TAT: variants seen among roughly 807,000 people sequenced by gnomAD.
TAT encodes the protein L-tyrosine:2-oxoglutarate aminotransferase.
TAT carries 35 observed loss-of-function variants against 53.6 expected under a neutral mutation model. That is an observed-to-expected ratio of 0.65 (90% confidence interval 0.50 to 0.87). TAT has a LOEUF of 0.87. Ranked by LOEUF, TAT falls within the 40% of genes least tolerant of loss-of-function variation. The pLI is 0.00. For synonymous variants in TAT, 197 were observed against 206.5 expected, an observed-to-expected ratio of 0.95 and a Z score of 0.39; for missense variants, 525 against 571.8, an observed-to-expected ratio of 0.92 and a Z score of 0.83.
chr16:71,569,934 T>C lies in TAT; in HGVS notation c.1045A>G (p.Asn349Asp), dbSNP rs1449389073. 6.2e-7 allele frequency: 1 copy of C among 1,613,336 alleles called. No individual in the cohort carries two copies. The highest frequency in any genetic ancestry group is 8.5e-7 in the Non-Finnish European group (1 of 1,179,736). The part of the protein sequence containing the change: ...YHNTLSFLKS[N>D]ADLCYGALAA... ...AACGCCCCATAACAGAGATCAGCAT[T>C]GGACTACAAGAAGAGGCAAGGAGAA... Residue 349 changes from asparagine (N) to aspartate (D), a missense_variant, in exon 10 of 12, where the codon AAT becomes GAT. Coordinates refer to ENST00000355962, the MANE Select transcript of TAT (RefSeq NM_000353.3).
chr16:71,571,759 G>T, intron 6 of TAT, 101 bp from the exon 7 acceptor site: 1 of 1,166,608 alleles, frequency 8.6e-7, no homozygotes, highest in Non-Finnish European at 1.3e-6. Flanking sequence ...ATATTAAGAA[G>T]TTACAATTCT....
In TAT at chr16:71,572,317, T is replaced by A; in HGVS notation, c.575A>T (p.Lys192Ile). 1 of 1,614,212 alleles carries A rather than the reference T, an allele frequency of 6.2e-7. No individual in the cohort carries two copies. The highest frequency in any genetic ancestry group is 8.5e-7 in the Non-Finnish European group (1 of 1,180,044). ...EVKLYNLLPE[K>I]SWEIDLKQLE... is the part of the protein sequence containing the mutation. ...TTGTTTCAGGTCAATTTCCCAAGATTTCTCTGGCTGGAGAGAAAGAAAGGA... is the reference window on the plus strand; with the variant it reads ...TTGTTTCAGGTCAATTTCCCAAGATATCTCTGGCTGGAGAGAAAGAAAGGA... Residue 192 changes from lysine to isoleucine, a missense_variant, in exon 6 of 12, where the codon AAA becomes ATA. Coordinates refer to ENST00000355962, the MANE Select transcript of TAT (RefSeq NM_000353.3).
rs1446082535 is a variant in TAT, at chr16:71,576,399, A to T, written c.17T>A (p.Ile6Asn). ...GAGGTTGCCTTTGCTGCTCATCTGA[A>T]TCATGTATGGGTCCATCACTAGCGA... MDPYM[I>N]QMSSKGNLPS... The change falls in exon 2 of 12, where the codon ATT (isoleucine) becomes AAT (asparagine). Residue 6 changes from isoleucine (I) to asparagine (N), a missense_variant. Ile to Asn is a moderately radical substitution (Grantham distance 149). Transcript: ENST00000355962. 1.2e-6 allele frequency: 2 copies of T among 1,614,168 alleles called. No homozygotes were observed. Among genetic ancestry groups the T allele is most frequent in the Non-Finnish European group, 1.7e-6 (2 of 1,180,030 alleles).
Position 71,573,709 on chromosome 16 carries a change from C to T in TAT, c.341-103G>A, listed in dbSNP as rs897596302. On this transcript the variant is annotated intron_variant, in intron 3 of 11. Coordinates refer to ENST00000355962, the MANE Select transcript of TAT (RefSeq NM_000353.3). The stretch of plus-strand genomic sequence containing the variant: ...GCAGTGACACAGCCATAGCTCACTG[C>T]GGCCTCAAATTCCTGGGCTCAAGGG... 1.3e-4 allele frequency: 134 copies of T among 1,035,768 alleles called. 1 individual carries two copies. Among genetic ancestry groups the T allele is most frequent in the African/African-American group, 9.0e-4 (57 of 63,286 alleles). 64.2% of individuals were successfully genotyped at this position (1,035,768 alleles called of 1,614,324 possible). A position where few individuals can be genotyped will look rare whatever the true frequency, so the allele number is the denominator to read the frequency against.
Position 71,573,388 on chromosome 16 carries a change from C to T in TAT, c.408+151G>A, listed in dbSNP as rs2044216178. On this transcript the variant is annotated intron_variant, in intron 4 of 11. Transcript: ENST00000355962. ...TAACTATAATCACTGATTAGTGACCCCAACTATATGAGAAGTCTTCTAATT... is the reference window on the plus strand; with the variant it reads ...TAACTATAATCACTGATTAGTGACCTCAACTATATGAGAAGTCTTCTAATT... The T allele has an allele frequency of 8.2e-6, 6 of 731,142 alleles. No individual in the cohort carries two copies. The South Asian group carries it at 9.0e-5, about 11-fold the overall frequency. The allele number at this position is 731,142 out of a possible 1,614,324, so 45.3% of individuals were successfully genotyped here.
At chr16:71,576,667 C>T (rs1324429772) in intron 1 of TAT, among the ~76,000 whole-genome samples, 6 of 152,232 alleles carry the variant, frequency 3.9e-5, no homozygotes, top group Middle Eastern at 3.4e-3. Flanking sequence ...ATTTGCTACA[C>T]GCATCTGCAA....
intron 3 of TAT, among the ~76,000 whole-genome samples, chr16:71,573,838 G>GT (rs1374782401): frequency 6.7e-6 from 1 of 149,314 alleles, no homozygotes; most frequent in Non-Finnish European, 1.5e-5. Flanking sequence ...TGTTTGTTTT[G>GT]TTTTGTTTTT....
Position 71,569,943 on chromosome 16 carries a change from A to C in TAT, c.1042-6T>G, listed in dbSNP as rs768910029. ...TAACAGAGATCAGCATTGGACTACA[A>C]GAAGAGGCAAGGAGAAATCAAGGAT... On this transcript the variant is annotated splice_region_variant and splice_polypyrimidine_tract_variant and intron_variant, in intron 9 of 11. Transcript: ENST00000355962. The C allele has an allele frequency of 1.2e-6, 2 of 1,612,184 alleles. No homozygotes were observed. The highest frequency in any genetic ancestry group is 1.7e-6 in the Non-Finnish European group (2 of 1,179,198).
At position 71,576,017 on chromosome 16, in the gene TAT, G is replaced by A. The variant is rs758733336; in HGVS notation, c.245C>T (p.Thr82Ile). The A allele has an allele frequency of 1.1e-5, 17 of 1,614,122 alleles. No individual in the cohort carries two copies. The highest frequency in any genetic ancestry group is 1.4e-5 in the Non-Finnish European group (16 of 1,180,018). The change falls in exon 3 of 12, where the codon ACT (threonine) becomes ATT (isoleucine). Residue 82 changes from threonine to isoleucine, a missense_variant. Thr to Ile is a moderately conservative substitution (Grantham distance 89). Transcript: ENST00000355962. ...TMISLSIGDP[T>I]VFGNLPTDPE... ...GTCTGTAGGCAGGTTTCCAAACACA[G>A]TAGGGTCCCCTTTTTATGGGAGGAA...
chr16:71,570,726 A>G lies in TAT; in HGVS notation c.865T>C (p.Leu289=), dbSNP rs1218397833. Residue 289 remains leucine (L), a synonymous_variant, in exon 8 of 12, where the codon TTG becomes CTG. Coordinates refer to ENST00000355962, the MANE Select transcript of TAT (RefSeq NM_000353.3). ...CGGTCATGAATGAGGATCCAGCCCAACCTCCAGCCAGGAACCAGCCAGCGC... is the reference window on the plus strand; with the variant it reads ...CGGTCATGAATGAGGATCCAGCCCAGCCTCCAGCCAGGAACCAGCCAGCGC... ...AKRWLVPGWR[L]GWILIHDRRD... is the part of the protein sequence containing the mutation. The G allele has an allele frequency of 6.2e-6, 10 of 1,614,108 alleles. No individual in the cohort carries two copies. The highest frequency in any genetic ancestry group is 8.5e-6 in the Non-Finnish European group (10 of 1,180,030).
At chr16:71,573,462 C>T (rs566907252) in intron 4 of TAT, 77 bp downstream of exon 4, 1 of 1,370,102 alleles carries the variant, frequency 7.3e-7, no homozygotes, top group African/African-American at 1.4e-5. Context: ...ACCCGTACTT[C>T]TTGTGGAACA....
chr16:71,572,036 C>G, intron 6 of TAT, 150 bp downstream of exon 6: 2 of 984,000 alleles, frequency 2.0e-6, no homozygotes, highest in Non-Finnish European at 3.2e-6. Flanking sequence ...CCTACCACTC[C>G]TATGGCACAG....
intron 3 of TAT, among the ~76,000 whole-genome samples, chr16:71,574,828 T>G (rs1344822909): frequency 6.6e-6 from 1 of 152,222 alleles, no homozygotes; most frequent in African/African-American, 2.4e-5. Flanking sequence ...CTAGAGGCAC[T>G]ATTTCATAAT....
rs1201499514 is a variant in TAT, at chr16:71,568,271, G to A, written c.1238C>T (p.Pro413Leu). 6 of 1,613,966 alleles carry A rather than the reference G, an allele frequency of 3.7e-6. No homozygotes were observed. Among genetic ancestry groups the A allele is most frequent in the Non-Finnish European group, 4.2e-6 (5 of 1,180,030 alleles). The change falls in exon 12 of 12, where the codon CCG becomes CTG. Residue 413 changes from proline to leucine, a missense_variant. By Grantham distance (98) the Pro-to-Leu change is moderately conservative. Coordinates refer to ENST00000355962, the MANE Select transcript of TAT (RefSeq NM_000353.3). ...TGTGATGACCACTCGGATGAAATTC[G>A]GGTACTCAAAGCACTGCAAAAAGAA... ...HCLPATCFEY[P>L]NFIRVVITVP...
At chr16:71,576,924 A>G in intron 1 of TAT, 85 bp downstream of exon 1, 1 of 173,846 alleles carries the variant, frequency 5.8e-6, no homozygotes, top group South Asian at 1.3e-4. Context: ...CCTAGCTGGA[A>G]AAAGAAATCA....
chr16:71,575,956 G>T lies in TAT; in HGVS notation c.306C>A (p.Asp102Glu), dbSNP rs766400188. The part of the protein sequence containing the change: ...EVTQAMKDAL[D>E]SGKYNGYAPS... ...GGGCATAGCCATTATATTTGCCCGA[G>T]TCCAGGGCATCTTTCATTGCCTGGG... Residue 102 changes from aspartate to glutamate, a missense_variant, in exon 3 of 12, where the codon GAC becomes GAA. Physicochemically the swap from Asp to Glu is conservative, Grantham distance 45. Coordinates refer to ENST00000355962, the MANE Select transcript of TAT (RefSeq NM_000353.3). The T allele has an allele frequency of 6.2e-7, 1 of 1,614,210 alleles. No individual in the cohort carries two copies. The highest frequency in any genetic ancestry group is 1.1e-5 in the South Asian group (1 of 91,088).
chr16:71,574,581 C>CAAAAAAAAAAAA (rs71389677), intron 3 of TAT, among the ~76,000 whole-genome samples: 1 of 79,806 alleles, frequency 1.3e-5, no homozygotes, highest in Non-Finnish European at 2.4e-5. Context: ...AACTTCGTCT[C>CAAAAAAAAAAAA]AAAAAAAAAA....
At position 71,571,601 on chromosome 16, in the gene TAT, C is replaced by G; in HGVS notation, c.759+5G>C. Reference sequence around the variant, plus strand: ...CTGTAGTGATATATCCTGATCAAGACTCACCATGTCTCCATAGATCTCATC... The same window carrying G: ...CTGTAGTGATATATCCTGATCAAGAGTCACCATGTCTCCATAGATCTCATC... On this transcript the variant is annotated splice_donor_5th_base_variant and intron_variant, in intron 7 of 11. Transcript: ENST00000355962. The G allele has an allele frequency of 1.2e-6, 2 of 1,613,360 alleles. No individual in the cohort carries two copies. Among genetic ancestry groups the G allele is most frequent in the Non-Finnish European group, 1.7e-6 (2 of 1,179,310 alleles).
At position 71,571,660 on chromosome 16, in the gene TAT, T is replaced by C. The variant is rs1005382525; in HGVS notation, c.707-2A>G. Reference sequence around the variant, plus strand: ...TGGGGACACACTGCCGTGCAGCCACTGAAAATAAAACATGCTGAAATCAGT... The same window carrying C: ...TGGGGACACACTGCCGTGCAGCCACCGAAAATAAAACATGCTGAAATCAGT... On this transcript the variant is annotated splice_acceptor_variant, in intron 6 of 11. Coordinates refer to ENST00000355962, the MANE Select transcript of TAT (RefSeq NM_000353.3). LOFTEE classifies it high-confidence loss of function. The C allele has an allele frequency of 1.2e-6, 2 of 1,614,126 alleles. No homozygotes were observed. Among genetic ancestry groups the C allele is most frequent in the Non-Finnish European group, 1.7e-6 (2 of 1,179,966 alleles).
Sources: allele counts gnomAD v4.1 joint callset (sites outside exome capture counted in the v4.1 genomes callset), GRCh38; gene constraint gnomAD v4.1.1; transcripts MANE v1.5; gene names NCBI Gene and HGNC (gene_info 2026-07-23, HGNC 2026-07-21).